Variants in DNAH11 observed in about 807,000 individuals in gnomAD.
DNAH11 encodes the protein dynein axonemal heavy chain 11.
A neutral mutation model predicts 526.0 loss-of-function variants in DNAH11; 442 were observed. The ratio of observed to expected loss-of-function variants is 0.84; its 90% CI spans 0.78 to 0.91. The LOEUF is 0.91. Ranked by LOEUF, DNAH11 falls within the 40% of genes least tolerant of loss-of-function variation. The pLI, the probability that DNAH11 is intolerant of heterozygous loss-of-function variation, is 0.00. For missense variants in DNAH11, 6,989 were observed against 5,448.7 expected (o/e 1.28, Z -8.90); for synonymous variants, 2,461 against 1,935.9 (o/e 1.27, Z -7.12).
At chr7:21,608,323 T>C (rs1785384893) in intron 20 of DNAH11, among the ~76,000 whole-genome samples, 2 of 152,196 alleles carry the variant, frequency 1.3e-5, no homozygotes, top group South Asian at 4.1e-4. Flanking sequence ...TGTCTTTGTT[T>C]CTCTAGGAAC....
chr7:21,762,287 G>C (rs1003427263), intron 54 of DNAH11, among the ~76,000 whole-genome samples: 6 of 152,156 alleles, frequency 3.9e-5, no homozygotes, highest in Non-Finnish European at 8.8e-5. Context: ...AACAAATATG[G>C]TTCAGATACA....
chr7:21,749,624 C>G (rs1000933914), intron 52 of DNAH11, 54 bp from the exon 53 acceptor site: 64 of 1,604,108 alleles, frequency 4.0e-5, no homozygotes, highest in Non-Finnish European at 4.9e-5. Context: ...CACACAACCT[C>G]TCAACGCCGC....
chr7:21,748,069 T>A (rs1160641916), intron 51 of DNAH11, among the ~76,000 whole-genome samples: 1 of 152,202 alleles, frequency 6.6e-6, no homozygotes, highest in Non-Finnish European at 1.5e-5. Flanking sequence ...TGGGAGCAGT[T>A]CAAGGGTTAG....
chr7:21,782,672 G>A (rs1431129771), intron 57 of DNAH11, among the ~76,000 whole-genome samples: 1 of 152,198 alleles, frequency 6.6e-6, no homozygotes, highest in East Asian at 1.9e-4. Context: ...AGCACTTTGA[G>A]AGGCTGAAGC....
At chr7:21,874,603 C>A (rs1441070666) in intron 74 of DNAH11, among the ~76,000 whole-genome samples, 3 of 151,656 alleles carry the variant, frequency 2.0e-5, no homozygotes, top group Non-Finnish European at 4.4e-5. Context: ...CCCAATTCCA[C>A]CTTGGCTGGA....
At chr7:21,681,288 G>A (rs770022677) in intron 30 of DNAH11, among the ~76,000 whole-genome samples, 6 of 152,000 alleles carry the variant, frequency 3.9e-5, no homozygotes, top group Non-Finnish European at 8.8e-5. Flanking sequence ...TTAGCTGGGC[G>A]TGGTGGTGGG....
At chr7:21,807,810 T>C in intron 62 of DNAH11, 73 bp from the exon 63 acceptor site, 2 of 1,452,878 alleles carry the variant, frequency 1.4e-6, no homozygotes, top group Non-Finnish European at 1.9e-6. Flanking sequence ...TGCCATAAGG[T>C]AATTGCATTA....
intron 64 of DNAH11, among the ~76,000 whole-genome samples, chr7:21,816,985 A>G (rs1272214882): frequency 6.6e-6 from 1 of 152,118 alleles, no homozygotes; most frequent in Non-Finnish European, 1.5e-5. Context: ...CCAAGAATGG[A>G]TATATATTAT....
In DNAH11 at chr7:21,901,072, A is replaced by G. The variant is rs1415418980; in HGVS notation, c.13369A>G (p.Met4457Val). 1.2e-6 allele frequency: 2 copies of G among 1,613,820 alleles called. No individual in the cohort carries two copies. The highest frequency in any genetic ancestry group is 1.7e-6 in the Non-Finnish European group (2 of 1,179,836). ...CCGTCTCAAGGAGCTGGCATGCCCTATGCCGGTCATCTTTGCAAAAGCCAC... is the reference window on the plus strand; with the variant it reads ...CCGTCTCAAGGAGCTGGCATGCCCTGTGCCGGTCATCTTTGCAAAAGCCAC... ...EARLKELACP[M>V]PVIFAKATPV... The change falls in exon 82 of 82, where the codon ATG becomes GTG. Residue 4457 changes from methionine (M) to valine (V), a missense_variant. Coordinates refer to ENST00000409508, the MANE Select transcript of DNAH11 (RefSeq NM_001277115.2).
At position 21,543,159 on chromosome 7, in the gene DNAH11, C is replaced by A. The variant is rs898030150; in HGVS notation, c.-87C>A. ...GGCGACCGCGGAGGAGGGTGGGCGC[C>A]TGCGGAGGTGTCCTCGCTCACTTCG... On this transcript the variant is annotated 5_prime_UTR_variant, in exon 1 of 82. In the 5' UTR this introduces an upstream ATG that the reference lacks. Transcript: ENST00000409508. 6.9e-7 allele frequency: 1 copy of A among 1,439,578 alleles called. No individual in the cohort carries two copies. The highest frequency in any genetic ancestry group is 9.1e-7 in the Non-Finnish European group (1 of 1,103,778). The allele number at this position is 1,439,578 out of a possible 1,614,324, so 89.2% of individuals were successfully genotyped here.
chr7:21,827,480 C>T (rs947757075), intron 65 of DNAH11, among the ~76,000 whole-genome samples: 4 of 151,542 alleles, frequency 2.6e-5, no homozygotes, highest in African/African-American at 7.2e-5. Flanking sequence ...AACTTTACTG[C>T]AATATGTATT....
intron 42 of DNAH11, among the ~76,000 whole-genome samples, chr7:21,716,171 G>T (rs140293740): frequency 6.2e-4 from 95 of 152,186 alleles, no homozygotes; most frequent in African/African-American, 2.2e-3. Flanking sequence ...AAGAAACTTT[G>T]TTGGAAAGTG....
chr7:21,801,741 C>G (rs943100219), intron 62 of DNAH11, among the ~76,000 whole-genome samples: 8 of 152,128 alleles, frequency 5.3e-5, no homozygotes, highest in African/African-American at 1.7e-4. Context: ...TGTTTGTTGT[C>G]TGATCCTTTT....
At chr7:21,762,273 G>T (rs1023347357) in intron 54 of DNAH11, among the ~76,000 whole-genome samples, 1 of 152,162 alleles carries the variant, frequency 6.6e-6, no homozygotes, top group Non-Finnish European at 1.5e-5. Flanking sequence ...TTTGCCTGAG[G>T]TTGAACAAAT....
chr7:21,661,552 GTC>G (rs1782243350), intron 30 of DNAH11, among the ~76,000 whole-genome samples: 1 of 151,858 alleles, frequency 6.6e-6, no homozygotes, highest in Non-Finnish European at 1.5e-5. Context: ...TAAGCTATCT[GTC>G]TTGTTTTGGG....
intron 62 of DNAH11, among the ~76,000 whole-genome samples, chr7:21,807,524 C>T (rs925229197): frequency 6.6e-5 from 10 of 152,154 alleles, no homozygotes; most frequent in Non-Finnish European, 1.2e-4. Context: ...TAACATCACT[C>T]GTTCTTGGCC....
intron 55 of DNAH11, among the ~76,000 whole-genome samples, chr7:21,770,545 C>A (rs1787393026): frequency 6.6e-6 from 1 of 152,164 alleles, no homozygotes; most frequent in African/African-American, 2.4e-5. Context: ...TCATCACCAG[C>A]CTCATGAGGA....
chr7:21,784,637 C>T (rs904973294), intron 58 of DNAH11, 97 bp downstream of exon 58: 29 of 771,362 alleles, frequency 3.8e-5, no homozygotes, highest in Non-Finnish European at 4.9e-5. Context: ...CCATTACAGC[C>T]AAAAAGTATT....
At chr7:21,746,683 T>G (rs1583654011) in intron 51 of DNAH11, among the ~76,000 whole-genome samples, 1 of 152,178 alleles carries the variant, frequency 6.6e-6, no homozygotes. Flanking sequence ...AATTAATCTT[T>G]AAAATTTTCT....
Sources: gnomAD v4.1 joint callset for allele counts (sites outside exome capture counted in the v4.1 genomes callset) on GRCh38, gnomAD v4.1.1 for gene constraint, MANE v1.5 for transcripts, NCBI Gene and HGNC (gene_info 2026-07-23, HGNC 2026-07-21) for gene names.